ANK2: variants seen among roughly 807,000 people sequenced by gnomAD.
ANK2 encodes the protein ankyrin-2.
In ANK2, 83 loss-of-function variants were observed where a neutral mutation model predicts 360.5. The ratio of observed to expected loss-of-function variants is 0.23; its 90% CI spans 0.19 to 0.28. The LOEUF is 0.28. Among genes scored for constraint, ANK2 ranks in the 10% least tolerant of loss-of-function variants. The probability of loss-of-function intolerance (pLI) is 1.00; values close to 1 mark genes in which losing one functional copy is unlikely to be tolerated. For missense variants in ANK2, 4,201 were observed against 4,795.7 expected, an observed-to-expected ratio of 0.88 and a Z score of 3.66; for synonymous variants, 1,740 against 1,759.5, an observed-to-expected ratio of 0.99 and a Z score of 0.28.
intron 2 of ANK2, among the ~76,000 whole-genome samples, chr4:112,985,804 C>T (rs1201163777): frequency 6.6e-6 from 1 of 151,842 alleles, no homozygotes; most frequent in Non-Finnish European, 1.5e-5. Context: ...AAAATATATA[C>T]TGTGGCAATG....
chr4:112,817,651 A>G (rs1412459160), upstream of ANK2, among the ~76,000 whole-genome samples: 1 of 151,490 alleles, frequency 6.6e-6, no homozygotes, highest in Non-Finnish European at 1.5e-5. Flanking sequence ...ATATGTATAT[A>G]TGTATATATA....
At chr4:112,864,088 G>T (rs768193133) in intron 1 of ANK2, among the ~76,000 whole-genome samples, 2 of 152,130 alleles carry the variant, frequency 1.3e-5, no homozygotes, top group South Asian at 4.2e-4. Flanking sequence ...GATTAGGTAG[G>T]GTGTTATAGA....
chr4:113,355,522 A>T lies in ANK2; in HGVS notation c.6904A>T (p.Thr2302Ser). 1 of 1,613,978 alleles carries T rather than the reference A, an allele frequency of 6.2e-7. No individual in the cohort carries two copies. The highest frequency in any genetic ancestry group is 1.1e-5 in the South Asian group (1 of 91,062). The change falls in exon 38 of 46, where the codon ACC (threonine) becomes TCC (serine). Residue 2302 changes from threonine to serine, a missense_variant. Around this residue, in one of 4 missense-constraint regions of ANK2, gnomAD observed 2,642 missense variants for 2,714.5 expected, o/e 0.97. Transcript: ENST00000357077. The stretch of plus-strand genomic sequence containing the variant: ...TGCCACAGTCACTGAGGACTCAGAG[A>T]CCTCTACTGAGAGTTTTCAGAAAGA... ...RGATVTEDSE[T>S]STESFQKEAT...
intron 2 of ANK2, among the ~76,000 whole-genome samples, chr4:113,032,018 C>G (rs1027109687): frequency 6.6e-6 from 1 of 152,124 alleles, no homozygotes; most frequent in Admixed American, 6.6e-5. Context: ...TGAGCCCAAT[C>G]GAGTACTTTA....
At chr4:113,296,571 C>A (rs2071568985) in intron 22 of ANK2, among the ~76,000 whole-genome samples, 1 of 152,122 alleles carries the variant, frequency 6.6e-6, no homozygotes, top group Non-Finnish European at 1.5e-5. Flanking sequence ...CAGAATAAGG[C>A]AGTAGTTTGT....
intron 2 of ANK2, among the ~76,000 whole-genome samples, chr4:113,035,679 A>G (rs964548801): frequency 1.3e-5 from 2 of 151,924 alleles, no homozygotes; most frequent in East Asian, 3.9e-4. Flanking sequence ...TAAAAATACA[A>G]CTGTCTGGAA....
intron 9 of ANK2, 67 bp from the exon 10 acceptor site, chr4:113,249,697 T>C (rs1039179673): frequency 1.4e-6 from 2 of 1,448,652 alleles, no homozygotes; most frequent in African/African-American, 2.8e-5. Flanking sequence ...CTCTTTATGG[T>C]TGCAATAGAT....
At chr4:112,906,988 G>A (rs1054422360) in intron 2 of ANK2, among the ~76,000 whole-genome samples, 5 of 152,156 alleles carry the variant, frequency 3.3e-5, no homozygotes, top group Non-Finnish European at 4.4e-5. Flanking sequence ...CTCAGTTTTG[G>A]TATGTGTCCT....
At chr4:113,020,057 G>C (rs1415535231) in intron 2 of ANK2, among the ~76,000 whole-genome samples, 1 of 152,014 alleles carries the variant, frequency 6.6e-6, no homozygotes, top group Non-Finnish European at 1.5e-5. Flanking sequence ...CAGAAATTTT[G>C]TTAAATGCTT....
intron 4 of ANK2, among the ~76,000 whole-genome samples, chr4:113,220,406 G>A (rs2099136527): frequency 6.6e-6 from 1 of 152,200 alleles, no homozygotes; most frequent in Non-Finnish European, 1.5e-5. Context: ...TTCCAAGAAA[G>A]AAGGAGGATC....
At chr4:113,333,265 C>A (rs1253636092) in intron 29 of ANK2, 57 bp downstream of exon 29, 22 of 1,597,984 alleles carry the variant, frequency 1.4e-5, no homozygotes, top group Non-Finnish European at 1.8e-5. Flanking sequence ...GAAAATGATT[C>A]ATTTCTTTCT....
intron 1 of ANK2, among the ~76,000 whole-genome samples, chr4:112,865,807 C>G (rs995864420): frequency 5.3e-5 from 8 of 152,240 alleles, no homozygotes; most frequent in Admixed American, 2.0e-4. Flanking sequence ...TTCTGTGCAG[C>G]TTTATAAAGA....
chr4:112,716,722 C>T, the ANK2 span, among the ~76,000 whole-genome samples: 3 of 152,154 alleles, frequency 2.0e-5, no homozygotes, highest in Admixed American at 6.5e-5. Flanking sequence ...TACAGCACTG[C>T]ACCTGGCCTC....
the ANK2 span, among the ~76,000 whole-genome samples, chr4:112,718,159 G>GT: frequency 1.3e-5 from 2 of 152,192 alleles, no homozygotes; most frequent in Non-Finnish European, 2.9e-5. Context: ...TGTTTAGAAG[G>GT]TGTTGTTGTT....
chr4:112,749,973 T>C, the ANK2 span, among the ~76,000 whole-genome samples: 1 of 152,308 alleles, frequency 6.6e-6, no homozygotes, highest in South Asian at 2.1e-4. Flanking sequence ...CTCGATCTCC[T>C]GACCCCGTGA....
chr4:112,765,204 T>A, the ANK2 span, among the ~76,000 whole-genome samples: 1 of 152,246 alleles, frequency 6.6e-6, no homozygotes, highest in Admixed American at 6.5e-5. Flanking sequence ...TGACAATTTC[T>A]TAATATCATC....
chr4:113,255,595 A>G (rs1394948254), intron 10 of ANK2, 140 bp from the exon 11 acceptor site: 1 of 794,486 alleles, frequency 1.3e-6, no homozygotes, highest in South Asian at 1.6e-5. Flanking sequence ...AGTCTGCTGT[A>G]TATTCTGATG....
At position 113,373,462 on chromosome 4, in the gene ANK2, G is replaced by A. The variant is rs371016797; in HGVS notation, c.11859+13G>A. The A allele has an allele frequency of 2.5e-6, 4 of 1,613,828 alleles. No homozygotes were observed. The African/African-American group carries it at 5.3e-5, about 22-fold the overall frequency. ...CGAGCAGTCAGAGGTGAGACAACCT[G>A]ATTCTCTAAAACCCATTTGATGGAG... On this transcript the variant is annotated intron_variant, in intron 45 of 45. Coordinates refer to ENST00000357077, the MANE Select transcript of ANK2 (RefSeq NM_001148.6).
intron 2 of ANK2, among the ~76,000 whole-genome samples, chr4:112,985,598 CT>C (rs2044568425): frequency 6.6e-6 from 1 of 152,144 alleles, no homozygotes; most frequent in Non-Finnish European, 1.5e-5. Context: ...CCATAGGGAC[CT>C]GGTTGGTTTC....
Sources: allele counts gnomAD v4.1 joint callset (sites outside exome capture counted in the v4.1 genomes callset), GRCh38; gene constraint gnomAD v4.1.1; regional missense constraint gnomAD v4.1.1; transcripts MANE v1.5; gene names NCBI Gene and HGNC (gene_info 2026-07-23, HGNC 2026-07-21).